SUMF1: variants seen among roughly 807,000 people sequenced by gnomAD.
SUMF1 encodes the protein sulfatase modifying factor 1.
SUMF1 carries 48 observed loss-of-function variants against 47.6 expected under a neutral mutation model. The observed-to-expected ratio is 1.01, with a 90% CI of 0.80 to 1.28. The LOEUF (loss-of-function observed/expected upper bound fraction) is 1.28. Ranked by LOEUF, SUMF1 falls within the 50% of genes most tolerant of loss-of-function variation. The pLI is 0.00. For missense variants in SUMF1, 571 were observed against 485.4 expected, an observed-to-expected ratio of 1.18 and a Z score of -1.66; for synonymous variants, 230 against 192.1, an observed-to-expected ratio of 1.20 and a Z score of -1.63.
intron 8 of SUMF1, among the ~76,000 whole-genome samples, chr3:4,300,878 G>C (rs1697948455): frequency 2.7e-5 from 4 of 150,552 alleles, no homozygotes; most frequent in Admixed American, 2.7e-4. Flanking sequence ...AACATACAGA[G>C]ACACACACAC....
chr3:4,141,460 G>A (rs570990320), intron 8 of SUMF1, among the ~76,000 whole-genome samples: 2 of 152,104 alleles, frequency 1.3e-5, no homozygotes, highest in Admixed American at 1.3e-4. Flanking sequence ...GGCCTCCCAG[G>A]AAAGGAAGAG....
rs770091674 is a variant in SUMF1 at position 4,335,960 on chromosome 3, C to CAAAAAAAAAAAA, written c.1014+40358_1014+40369dup. On this transcript the variant is annotated intron_variant and NMD_transcript_variant, in intron 8 of 12. Coordinates refer to the SUMF1 transcript ENST00000448413. ...TGGACAACTGAGTGAGATTCCAACTCAAAAAAAAAAAAAAAAAAAACAGAA... is the reference window on the plus strand; with the variant it reads ...TGGACAACTGAGTGAGATTCCAACTCAAAAAAAAAAAAAAAAAAAAAAAAAAAAAAAACAGAA... Among the ~76,000 whole-genome samples, 74 of 73,732 alleles carry CAAAAAAAAAAAA rather than the reference C, an allele frequency of 1.0e-3. 2 individuals are homozygous for CAAAAAAAAAAAA. The highest frequency in any genetic ancestry group is 0.013 in the Middle Eastern group (1 of 80). 48.4% of individuals were successfully genotyped at this position (73,732 alleles called of 152,430 possible).
rs76654190 is a variant in SUMF1, at chr3:4,172,042, C to A, written c.1015-103297G>T. ...TATGACGGGTTGAATGTGGCAAGAACTGAGGCAGAGACTGGTTAGAAAGTT... is the reference window on the plus strand; with the variant it reads ...TATGACGGGTTGAATGTGGCAAGAAATGAGGCAGAGACTGGTTAGAAAGTT... On this transcript the variant is annotated intron_variant and NMD_transcript_variant, in intron 8 of 12. Coordinates refer to the SUMF1 transcript ENST00000448413. Among the ~76,000 whole-genome samples, 513 of 152,220 alleles carry A rather than the reference C, an allele frequency of 3.4e-3. 2 individuals carry two copies. The highest frequency in any genetic ancestry group is 6.0e-3 in the Non-Finnish European group (406 of 68,010).
chr3:4,251,718 T>C (rs1575020357), intron 8 of SUMF1, among the ~76,000 whole-genome samples: 1 of 152,360 alleles, frequency 6.6e-6, no homozygotes, highest in East Asian at 1.9e-4. Flanking sequence ...CATCTTCTTC[T>C]ATTATAAGGC....
At chr3:4,341,702 A>G (rs545702204) in intron 8 of SUMF1, among the ~76,000 whole-genome samples, 3 of 152,292 alleles carry the variant, frequency 2.0e-5, no homozygotes, top group Non-Finnish European at 4.4e-5. Context: ...CTCCCCATTT[A>G]AAAAAATTTG....
chr3:4,117,223 G>A (rs1334426515), intron 8 of SUMF1, among the ~76,000 whole-genome samples: 2 of 151,682 alleles, frequency 1.3e-5, no homozygotes. Flanking sequence ...TTTCTCTAAT[G>A]AGTTTATCTT....
At chr3:4,281,100 G>A (rs1697520551) in intron 8 of SUMF1, among the ~76,000 whole-genome samples, 1 of 152,082 alleles carries the variant, frequency 6.6e-6, no homozygotes, top group Non-Finnish European at 1.5e-5. Context: ...AGCAGGGACT[G>A]GGACTTCTGG....
In SUMF1 at chr3:4,126,863, C is replaced by T. The variant is rs182203552; in HGVS notation, c.1015-58118G>A. On this transcript the variant is annotated intron_variant and NMD_transcript_variant, in intron 8 of 12. Transcript: ENST00000448413. ...ATGAAAGCGGCAGTAGTCTTACCTA[C>T]TTTCAATCTAATGTGTACTCAAACT... 1.1e-3 allele frequency among the ~76,000 whole-genome samples: 160 copies of T among 152,296 alleles called. 2 individuals are homozygous for T. Among genetic ancestry groups the T allele is most frequent in the Admixed American group, 6.1e-3 (93 of 15,292 alleles).
At position 4,467,194 on chromosome 3, in the gene SUMF1, G is replaced by C. The variant is rs762080361; in HGVS notation, c.52C>G (p.Leu18Val). The change falls in exon 1 of 9, where the codon CTC becomes GTC. Residue 18 changes from leucine to valine, a missense_variant. Transcript: ENST00000272902. ...GAGAGCAGCAGCAGCAAGAGGACGA[G>C]ACCCAGCTCAGGGCAACGTCCACAC... ...LVCGRCPELG[L>V]VLLLLLLSLL... 7 of 1,611,166 alleles carry C rather than the reference G, an allele frequency of 4.3e-6. No individual in the cohort carries two copies. The highest frequency in any genetic ancestry group is 5.9e-6 in the Non-Finnish European group (7 of 1,179,168).
chr3:4,456,706 GTA>G (rs763865030), intron 1 of SUMF1, among the ~76,000 whole-genome samples: 64 of 113,638 alleles, frequency 5.6e-4, no homozygotes, highest in Non-Finnish European at 1.0e-3. Context: ...ATATATATAC[GTA>G]TATATATACA....
At chr3:4,052,178 G>A (rs1253626225) in intron 9 of SUMF1, among the ~76,000 whole-genome samples, 1 of 152,040 alleles carries the variant, frequency 6.6e-6, no homozygotes, top group Non-Finnish European at 1.5e-5. Flanking sequence ...GGTCACAGAT[G>A]GCACCTTCTC....
chr3:4,114,333 C>A (rs1195650704), intron 8 of SUMF1, among the ~76,000 whole-genome samples: 1 of 151,814 alleles, frequency 6.6e-6, no homozygotes, highest in African/African-American at 2.4e-5. Context: ...ACCCCTGGGA[C>A]AAAAGAAAAA....
chr3:4,176,383 TC>T (rs1694961124), intron 8 of SUMF1, among the ~76,000 whole-genome samples: 1 of 152,182 alleles, frequency 6.6e-6, no homozygotes, highest in Non-Finnish European at 1.5e-5. Context: ...GGGCCAATAT[TC>T]AACGTTCTTA....
chr3:4,171,596 A>G (rs1376721188), intron 8 of SUMF1, among the ~76,000 whole-genome samples: 1 of 152,218 alleles, frequency 6.6e-6, no homozygotes, highest in Non-Finnish European at 1.5e-5. Context: ...ATCTGAATGT[A>G]GATGAGAAAA....
intron 8 of SUMF1, among the ~76,000 whole-genome samples, chr3:4,113,305 G>T (rs888363443): frequency 6.6e-6 from 1 of 152,088 alleles, no homozygotes; most frequent in Non-Finnish European, 1.5e-5. Context: ...AAGGCAGGAG[G>T]ATTGCTTGAG....
intron 8 of SUMF1, among the ~76,000 whole-genome samples, chr3:4,140,585 A>G (rs890169569): frequency 2.0e-5 from 3 of 151,882 alleles, no homozygotes; most frequent in Admixed American, 1.3e-4. Flanking sequence ...TTTATAAATT[A>G]TTTTTCTATT....
intron 8 of SUMF1, among the ~76,000 whole-genome samples, chr3:4,188,816 T>A (rs534530448): frequency 6.6e-6 from 1 of 152,220 alleles, no homozygotes; most frequent in African/African-American, 2.4e-5. Flanking sequence ...ACATTTTGAA[T>A]AGTGCCTTGT....
At chr3:4,309,366 C>T (rs911453965) in intron 8 of SUMF1, among the ~76,000 whole-genome samples, 1 of 152,070 alleles carries the variant, frequency 6.6e-6, no homozygotes, top group African/African-American at 2.4e-5. Flanking sequence ...AGGAGGGGTC[C>T]CTTCAGATGA....
At chr3:4,048,545 G>T (rs1294583307) in intron 9 of SUMF1, among the ~76,000 whole-genome samples, 1 of 150,490 alleles carries the variant, frequency 6.6e-6, no homozygotes, top group Admixed American at 6.6e-5. Context: ...AATTCCCCCT[G>T]TTATAAGTCC....
Sources: allele counts gnomAD v4.1 joint callset (sites outside exome capture counted in the v4.1 genomes callset), GRCh38; gene constraint gnomAD v4.1.1; transcripts MANE v1.5; gene names NCBI Gene and HGNC (gene_info 2026-07-23, HGNC 2026-07-21).